The following ATP13A3 variants were observed in gnomAD, a reference collection of about 807,000 sequenced individuals.
ATP13A3 encodes the protein polyamine-transporting ATPase 13A3.
A neutral mutation model predicts 158.1 loss-of-function variants in ATP13A3; 59 were observed. The observed-to-expected ratio is 0.37, with a 90% CI of 0.30 to 0.46. The LOEUF is 0.46. ATP13A3 is among the 20% of genes least tolerant of loss of function. The pLI is 1.00. For missense variants in ATP13A3, 1,166 were observed against 1,525.2 expected (o/e 0.76, Z 3.92); for synonymous variants, 491 against 504.3 (o/e 0.97, Z 0.35).
rs987544033 is a variant in ATP13A3, at chr3:194,486,838, G to C, written c.-361C>G. 1 of 151,924 alleles carries C rather than the reference G, an allele frequency of 6.6e-6. No homozygotes were observed. The highest frequency in any genetic ancestry group is 1.9e-4 in the East Asian group (1 of 5,168). 9.4% of individuals were successfully genotyped at this position (151,924 alleles called of 1,614,324 possible). A position where few individuals can be genotyped will look rare whatever the true frequency, so the allele number is the denominator to read the frequency against. On this transcript the variant is annotated 5_prime_UTR_variant, in exon 1 of 34. Transcript: ENST00000645319. ...CGTGCAGCCGGCAGGGCGAGAACAA[G>C]GGAGGGCGGCGGGAGGTGGGCAGGG... is the stretch of plus-strand genomic sequence containing the variant.
intron 2 of ATP13A3, among the ~76,000 whole-genome samples, chr3:194,480,277 C>T (rs947743246): frequency 2.0e-5 from 3 of 152,182 alleles, no homozygotes; most frequent in Non-Finnish European, 2.9e-5. Flanking sequence ...AATTCAAAAT[C>T]ACTATGGCTC....
chr3:194,415,182 G>A (rs186552924), intron 31 of ATP13A3, among the ~76,000 whole-genome samples: 6 of 152,264 alleles, frequency 3.9e-5, no homozygotes, highest in South Asian at 2.1e-4. Flanking sequence ...TGGCTAACTC[G>A]TCAAATACTG....
Position 194,412,212 on chromosome 3 carries a change from G to A in ATP13A3, c.3560C>T (p.Thr1187Ile). The part of the protein sequence containing the change: ...DKQGEYRFST[T>I]QPPQESVDRW... The stretch of plus-strand genomic sequence containing the variant: ...CTGAGTTCCAACCTGCGGTGGCTGT[G>A]TGGTGCTGAACCGATACTCTCCTTG... The change falls in exon 33 of 34, where the codon ACA (threonine) becomes ATA (isoleucine). Residue 1187 changes from threonine to isoleucine, a missense_variant. Physicochemically the swap from Thr to Ile is moderately conservative, Grantham distance 89. Around this residue, in one of 3 missense-constraint regions of ATP13A3, gnomAD observed 997 missense variants for 1,341.2 expected, o/e 0.74. Transcript: ENST00000645319. 5.2e-6 allele frequency: 8 copies of A among 1,536,276 alleles called. No individual in the cohort carries two copies. Among genetic ancestry groups the A allele is most frequent in the Non-Finnish European group, 7.0e-6 (8 of 1,146,904 alleles).
chr3:194,435,297 G>A lies in ATP13A3; in HGVS notation c.2121-1401C>T, dbSNP rs557148199. ...GACAATGTGTCAAAAGCACTAAGCC[G>A]CTTTCCTTCAGGCCCCAGTTTCTGG... On this transcript the variant is annotated intron_variant, in intron 20 of 33. Coordinates refer to ENST00000645319, the MANE Select transcript of ATP13A3 (RefSeq NM_001367549.1). Among the ~76,000 whole-genome samples, 64 of 152,290 alleles carry A rather than the reference G, an allele frequency of 4.2e-4. 1 individual carries two copies. Among genetic ancestry groups the A allele is most frequent in the African/African-American group, 1.5e-3 (61 of 41,538 alleles).
chr3:194,464,826 A>G (rs956626603), intron 2 of ATP13A3, among the ~76,000 whole-genome samples: 7 of 152,150 alleles, frequency 4.6e-5, no homozygotes, highest in African/African-American at 1.7e-4. Context: ...TATGTTGCCC[A>G]GGCTGGTTTA....
intron 1 of ATP13A3, among the ~76,000 whole-genome samples, chr3:194,486,330 GC>G (rs1720970602): frequency 6.6e-6 from 1 of 151,946 alleles, no homozygotes; most frequent in Non-Finnish European, 1.5e-5. Context: ...ACCACCAAGC[GC>G]CCGGCCCCCA....
intron 15 of ATP13A3, among the ~76,000 whole-genome samples, chr3:194,443,831 C>T (rs987991711): frequency 1.3e-5 from 2 of 151,966 alleles, no homozygotes; most frequent in African/African-American, 4.8e-5. Context: ...ATTTTCAATA[C>T]ACAATATTGA....
chr3:194,448,479 G>A lies in ATP13A3; in HGVS notation c.1128C>T (p.Val376=). The part of the protein sequence containing the change: ...IQTRFYTGEL[V]KAIVVRTGFS... ...TACCTGTTCTAACAACTATGGCTTT[G>A]ACGAGTTCTCCAGTGTAGAAACGAG... Residue 376 remains valine (V), a synonymous_variant, in exon 12 of 34, where the codon GTC becomes GTT. Coordinates refer to ENST00000645319, the MANE Select transcript of ATP13A3 (RefSeq NM_001367549.1). The surrounding 1 kb of genome is among the most constrained non-coding windows in gnomAD (Gnocchi z 4.0). 1.9e-6 allele frequency: 3 copies of A among 1,613,974 alleles called. No individual in the cohort carries two copies. The South Asian group carries it at 3.3e-5, about 18-fold the overall frequency.
chr3:194,411,914 CA>C (rs1006804245), intron 33 of ATP13A3, among the ~76,000 whole-genome samples: 4 of 151,980 alleles, frequency 2.6e-5, no homozygotes, highest in African/African-American at 9.7e-5. Context: ...CCTTTGAGGA[CA>C]AGACTTTTAC....
Position 194,457,084 on chromosome 3 carries a change from TA to T in ATP13A3, c.560+9del. The T allele has an allele frequency of 6.2e-7, 1 of 1,605,882 alleles. No homozygotes were observed. Among genetic ancestry groups the T allele is most frequent in the Non-Finnish European group, 8.5e-7 (1 of 1,174,292 alleles). On this transcript the variant is annotated intron_variant, in intron 7 of 33. Transcript: ENST00000645319. ...TTGAGAAGATCTAACTTTAGTTGGA[TA>T]AAAATTACCTGTAGGCATGCATCCC... is the stretch of plus-strand genomic sequence containing the variant.
intron 2 of ATP13A3, among the ~76,000 whole-genome samples, chr3:194,464,744 T>C (rs1719889378): frequency 6.6e-6 from 1 of 152,186 alleles, no homozygotes; most frequent in African/African-American, 2.4e-5. Context: ...CTTGTAGTCA[T>C]CACTCAGTAG....
rs536043440 is a variant in ATP13A3 at position 194,457,656 on chromosome 3, C to A, written c.480-482G>T. 1.3e-3 allele frequency among the ~76,000 whole-genome samples: 205 copies of A among 152,240 alleles called. 1 individual carries two copies. Among genetic ancestry groups the A allele is most frequent in the African/African-American group, 4.5e-3 (188 of 41,548 alleles). On this transcript the variant is annotated intron_variant, in intron 6 of 33. Coordinates refer to ENST00000645319, the MANE Select transcript of ATP13A3 (RefSeq NM_001367549.1). ...ATCTCCATAAAAGCATCAAGCCAAA[C>A]CCTTCCCTAAATGCATACCTGGTTT...
intron 28 of ATP13A3, 52 bp from the exon 29 acceptor site, chr3:194,427,304 T>C (rs1577042817): frequency 6.9e-7 from 1 of 1,457,412 alleles, no homozygotes; most frequent in African/African-American, 1.4e-5. Context: ...AATCTATCAC[T>C]ATATAAGGCA....
rs1715609720 is a variant in ATP13A3 at position 194,413,784 on chromosome 3, T to C, written c.3458A>G (p.Asn1153Ser). The change falls in exon 32 of 34, where the codon AAT (asparagine) becomes AGT (serine). Residue 1153 changes from asparagine to serine, a missense_variant. Coordinates refer to ENST00000645319, the MANE Select transcript of ATP13A3 (RefSeq NM_001367549.1). ...RVTMLIIVLVNAFVSITVENF... is the reference protein window; with the variant it reads ...RVTMLIIVLVSAFVSITVENF... ...CTCCACTGTGATAGACACAAAGGCATTGACAAGAACAATGATGAGCATAGT... is the reference window on the plus strand; with the variant it reads ...CTCCACTGTGATAGACACAAAGGCACTGACAAGAACAATGATGAGCATAGT... 3 of 1,613,912 alleles carry C rather than the reference T, an allele frequency of 1.9e-6. No individual in the cohort carries two copies. The highest frequency in any genetic ancestry group is 1.6e-4 in the Middle Eastern group (1 of 6,062).
chr3:194,467,552 C>T (rs1269173166), intron 2 of ATP13A3, among the ~76,000 whole-genome samples: 1 of 152,064 alleles, frequency 6.6e-6, no homozygotes, highest in Non-Finnish European at 1.5e-5. Context: ...GCTCTAAAAA[C>T]CTCCAATTAA....
intron 9 of ATP13A3, 101 bp downstream of exon 9, chr3:194,454,157 G>A: frequency 8.7e-7 from 1 of 1,154,830 alleles, no homozygotes; most frequent in South Asian, 1.5e-5. Flanking sequence ...AATAATGACT[G>A]CATTGAGAAT....
At chr3:194,478,790 C>A (rs572395612) in intron 2 of ATP13A3, among the ~76,000 whole-genome samples, 1 of 152,222 alleles carries the variant, frequency 6.6e-6, no homozygotes, top group African/African-American at 2.4e-5. Context: ...TGGACTTGTG[C>A]AATGCAACAG....
At chr3:194,425,181 T>C (rs1488548518) in intron 30 of ATP13A3, among the ~76,000 whole-genome samples, 161 bp downstream of exon 30, 8 of 152,240 alleles carry the variant, frequency 5.3e-5, no homozygotes, top group Admixed American at 5.2e-4. Flanking sequence ...GGGTGGCAAC[T>C]ACCAATGAAA....
chr3:194,481,989 G>A (rs532751242), intron 2 of ATP13A3, among the ~76,000 whole-genome samples: 2 of 152,316 alleles, frequency 1.3e-5, no homozygotes, highest in African/African-American at 4.8e-5. Flanking sequence ...ATATGACCCT[G>A]TGGGTCTAAG....
Sources: gnomAD v4.1 joint callset for allele counts (sites outside exome capture counted in the v4.1 genomes callset) on GRCh38, gnomAD v4.1.1 for gene constraint, gnomAD v4.1.1 regional missense constraint, Gnocchi (gnomAD v3.1) non-coding constraint, MANE v1.5 for transcripts, NCBI Gene and HGNC (gene_info 2026-07-23, HGNC 2026-07-21) for gene names.